Variants in FKBP5 observed in about 807,000 individuals in gnomAD.
FKBP5 encodes FKBP prolyl isomerase 5.
FKBP5 carries 23 observed loss-of-function variants against 50.5 expected under a neutral mutation model. The ratio of observed to expected loss-of-function variants is 0.46; its 90% confidence interval spans 0.33 to 0.65. The LOEUF is 0.65. FKBP5 is among the 30% of genes least tolerant of loss of function. FKBP5 has a pLI of 0.02. For missense variants in FKBP5, 411 were observed against 553.1 expected (o/e 0.74, Z 2.58); for synonymous variants, 176 against 190.6 (o/e 0.92, Z 0.63).
intron 3 of FKBP5, among the ~76,000 whole-genome samples, chr6:35,624,819 G>A (rs1195795207): frequency 6.6e-6 from 1 of 152,178 alleles, no homozygotes; most frequent in East Asian, 1.9e-4. Context: ...TTCGCATGGT[G>A]TGCATCCTCC....
In FKBP5 at chr6:35,620,121, C is replaced by A. The variant is rs776598337; in HGVS notation, c.393+11G>T. ...CAGATGCTGACAAGGCAACATCACA[C>A]ACATACTTGCCTCAAAAAAGAGAGT... On this transcript the variant is annotated intron_variant, in intron 4 of 10. Coordinates refer to ENST00000357266, the MANE Select transcript of FKBP5 (RefSeq NM_004117.4). The A allele has an allele frequency of 2.5e-6, 4 of 1,614,062 alleles. No individual in the cohort carries two copies. In the South Asian group the frequency reaches 3.3e-5, roughly 13 times the overall value.
At chr6:35,681,112 C>A (rs755192770) in intron 1 of FKBP5, among the ~76,000 whole-genome samples, 68 of 152,166 alleles carry the variant, frequency 4.5e-4, no homozygotes, top group Non-Finnish European at 8.4e-4. Context: ...TGAGGTATTT[C>A]ATGTTTTTTA....
chr6:35,663,232 C>T (rs534601678), intron 1 of FKBP5, among the ~76,000 whole-genome samples: 42 of 152,136 alleles, frequency 2.8e-4, no homozygotes, highest in Non-Finnish European at 4.4e-4. Flanking sequence ...TACAGAAAGA[C>T]GCGAAGACAC....
At chr6:35,580,983 T>A (rs1762411426) in intron 8 of FKBP5, 12 of 985,312 alleles carry the variant, frequency 1.2e-5, no homozygotes, top group Non-Finnish European at 1.4e-5. Flanking sequence ...GCCAATCCTA[T>A]TTGAACCAGT....
intron 5 of FKBP5, among the ~76,000 whole-genome samples, chr6:35,618,703 C>CT (rs907556762): frequency 4.0e-5 from 6 of 150,554 alleles, no homozygotes; most frequent in Admixed American, 2.7e-4. Context: ...ATATTCAATA[C>CT]TTTTTTTTTG....
chr6:35,587,128 ATTTGTGACAATGGT>A lies in FKBP5; in HGVS notation c.757-25_757-12del, dbSNP rs779823035. 1.2e-6 allele frequency: 2 copies of A among 1,613,078 alleles called. No individual in the cohort carries two copies. Among genetic ancestry groups the A allele is most frequent in the African/African-American group, 2.7e-5 (2 of 74,998 alleles). ...CCAGGATTCTTTGGCCTGTGTGTAA[ATTTGTGACAATGGT>A]TAGATGAACAGAGAGAAAAGCATCA... On this transcript the variant is annotated splice_polypyrimidine_tract_variant and intron_variant, in intron 7 of 10. Transcript: ENST00000357266.
chr6:35,671,332 A>T (rs1184879207), intron 1 of FKBP5, among the ~76,000 whole-genome samples: 3 of 151,838 alleles, frequency 2.0e-5, no homozygotes, highest in Non-Finnish European at 4.4e-5. Flanking sequence ...CAAACTGACA[A>T]ATCTAGCCAA....
chr6:35,577,568 T>A (rs1434780703), intron 9 of FKBP5, among the ~76,000 whole-genome samples: 1 of 152,142 alleles, frequency 6.6e-6, no homozygotes, highest in Non-Finnish European at 1.5e-5. Flanking sequence ...AAGACAAACT[T>A]TAAAACTACT....
intron 6 of FKBP5, among the ~76,000 whole-genome samples, chr6:35,592,823 G>C (rs1168413814): frequency 6.6e-6 from 1 of 152,134 alleles, no homozygotes; most frequent in Non-Finnish European, 1.5e-5. Context: ...GGTGGGAAGA[G>C]GCCAGGAATA....
intron 2 of FKBP5, among the ~76,000 whole-genome samples, chr6:35,706,703 T>TTC (rs1766323987): frequency 6.6e-6 from 1 of 152,216 alleles, no homozygotes; most frequent in South Asian, 2.1e-4. Context: ...TGACCTAATA[T>TTC]TCCACTTCCA....
intron 5 of FKBP5, among the ~76,000 whole-genome samples, chr6:35,615,686 T>C (rs1263424286): frequency 2.0e-5 from 3 of 152,206 alleles, no homozygotes; most frequent in African/African-American, 4.8e-5. Context: ...ATTAGTCAAA[T>C]GCCACAGTAA....
chr6:35,673,481 G>A lies in FKBP5; in HGVS notation c.-20+15323C>T, dbSNP rs79218801. Among the ~76,000 whole-genome samples the A allele has an allele frequency of 4.1e-3, 628 of 152,068 alleles. 2 individuals are homozygous for A. Among genetic ancestry groups the A allele is most frequent in the South Asian group, 8.9e-3 (43 of 4,808 alleles). ...GGGAAGAACGCTTGAGCCTGGGAAGGAGCTTTGAGAGTGCCACTGCACTCC... is the reference window on the plus strand; with the variant it reads ...GGGAAGAACGCTTGAGCCTGGGAAGAAGCTTTGAGAGTGCCACTGCACTCC... On this transcript the variant is annotated intron_variant, in intron 1 of 10. Coordinates refer to ENST00000357266, the MANE Select transcript of FKBP5 (RefSeq NM_004117.4).
intron 4 of FKBP5, among the ~76,000 whole-genome samples, chr6:35,619,791 TA>T (rs1234366921): frequency 6.6e-6 from 1 of 152,200 alleles, no homozygotes; most frequent in Admixed American, 6.5e-5. Flanking sequence ...CAACGTGACA[TA>T]GGCATATTTC....
In FKBP5 at chr6:35,661,394, A is replaced by T. The variant is rs1436253131; in HGVS notation, c.-19-18551T>A. Among the ~76,000 whole-genome samples, 2 of 84,554 alleles carry T rather than the reference A, an allele frequency of 2.4e-5. 1 individual carries two copies. The highest frequency in any genetic ancestry group is 5.4e-5 in the Non-Finnish European group (2 of 36,800). The allele number at this position is 84,554 out of a possible 152,430, so 55.5% of individuals were successfully genotyped here. On this transcript the variant is annotated intron_variant, in intron 1 of 10. Coordinates refer to ENST00000357266, the MANE Select transcript of FKBP5 (RefSeq NM_004117.4). ...AATGGATGACCATAATTCATGAATG[A>T]TATACATTCCTTCCAACTTATTAAT...
At chr6:35,632,718 C>T (rs1358976075) in intron 3 of FKBP5, among the ~76,000 whole-genome samples, 4 of 151,376 alleles carry the variant, frequency 2.6e-5, no homozygotes, top group African/African-American at 4.9e-5. Flanking sequence ...GGTGAAAGTC[C>T]GTCTCTACTA....
At chr6:35,596,180 C>G (rs971506975) in intron 6 of FKBP5, among the ~76,000 whole-genome samples, 2 of 152,086 alleles carry the variant, frequency 1.3e-5, no homozygotes, top group Non-Finnish European at 2.9e-5. Context: ...AATGGTGAAA[C>G]CTCGTCTCTA....
chr6:35,584,435 C>T (rs1465039747), intron 8 of FKBP5: 1 of 985,436 alleles, frequency 1.0e-6, no homozygotes. Flanking sequence ...TTTAGTTCAG[C>T]CCATCTCTGC....
At chr6:35,599,629 A>T (rs1763084855) in intron 5 of FKBP5, among the ~76,000 whole-genome samples, 1 of 152,184 alleles carries the variant, frequency 6.6e-6, no homozygotes, top group Non-Finnish European at 1.5e-5. Context: ...GGGGTCTAAG[A>T]AACTTGGGCC....
chr6:35,679,521 G>T (rs1257564599), intron 1 of FKBP5, among the ~76,000 whole-genome samples: 1 of 152,136 alleles, frequency 6.6e-6, no homozygotes, highest in Non-Finnish European at 1.5e-5. Flanking sequence ...TTATGTTTTT[G>T]TTGAAAAATA....
Sources: gnomAD v4.1 joint callset for allele counts (sites outside exome capture counted in the v4.1 genomes callset) on GRCh38, gnomAD v4.1.1 for gene constraint, MANE v1.5 for transcripts, NCBI Gene and HGNC (gene_info 2026-07-23, HGNC 2026-07-21) for gene names.